The following PFKP variants were observed in gnomAD, a reference collection of about 807,000 sequenced individuals.
The protein encoded by PFKP is ATP-dependent 6-phosphofructokinase, platelet type.
Under a neutral mutation model 94.3 loss-of-function variants are expected in PFKP, and 101 were observed. The ratio of observed to expected loss-of-function variants is 1.07; its 90% confidence interval spans 0.91 to 1.26. PFKP has a LOEUF of 1.26. Ranked by LOEUF, PFKP falls within the 50% of genes most tolerant of loss-of-function variation. The probability of loss-of-function intolerance (pLI) is 0.00; values close to 1 mark genes in which losing one functional copy is unlikely to be tolerated. For synonymous variants in PFKP, 573 were observed against 432.6 expected, an observed-to-expected ratio of 1.32 and a Z score of -4.03; for missense variants, 1,145 against 1,103.3, an observed-to-expected ratio of 1.04 and a Z score of -0.53.
At chr10:3,094,350 A>G (rs1281271265) in intron 2 of PFKP, among the ~76,000 whole-genome samples, 3 of 152,248 alleles carry the variant, frequency 2.0e-5, no homozygotes, top group Admixed American at 2.0e-4. Flanking sequence ...TGGTCTTCCA[A>G]AGAAGCAAGT....
At chr10:3,136,314 G>C in intron 21 of PFKP, 136 bp from the exon 22 acceptor site, 1 of 746,880 alleles carries the variant, frequency 1.3e-6, no homozygotes, top group Non-Finnish European at 2.2e-6. Flanking sequence ...TCCTGAAATT[G>C]GCTTTATCAT....
intron 16 of PFKP, among the ~76,000 whole-genome samples, chr10:3,122,230 T>G (rs1328953643): frequency 2.0e-5 from 3 of 152,102 alleles, no homozygotes; most frequent in Non-Finnish European, 4.4e-5. Context: ...TGTGTCCTTG[T>G]TGCCCTTCTG....
intron 1 of PFKP, among the ~76,000 whole-genome samples, chr10:3,074,902 G>T (rs192080376): frequency 4.6e-5 from 7 of 152,324 alleles, no homozygotes; most frequent in Admixed American, 2.6e-4. Context: ...GAGGTGTGAA[G>T]TGGGAAATCC....
chr10:3,083,090 A>ATTGG (rs1302031982), intron 2 of PFKP, among the ~76,000 whole-genome samples: 1 of 152,148 alleles, frequency 6.6e-6, no homozygotes, highest in Non-Finnish European at 1.5e-5. Flanking sequence ...AATTGGTTGT[A>ATTGG]TTGGTTGGTT....
chr10:3,120,179 C>T, intron 16 of PFKP, 135 bp downstream of exon 16: 1 of 742,090 alleles, frequency 1.3e-6, no homozygotes, highest in East Asian at 2.7e-5. Context: ...TCTTTTTTTC[C>T]CCCAGAAAAG....
At chr10:3,105,777 C>T (rs1835485525) in intron 7 of PFKP, among the ~76,000 whole-genome samples, 1 of 152,182 alleles carries the variant, frequency 6.6e-6, no homozygotes, top group African/African-American at 2.4e-5. Flanking sequence ...GGCAGGCAGA[C>T]TTCAGGCACT....
At chr10:3,089,813 T>C (rs182197197) in intron 2 of PFKP, among the ~76,000 whole-genome samples, 2 of 152,092 alleles carry the variant, frequency 1.3e-5, no homozygotes. Context: ...CTGGATTTTA[T>C]TCCTTCTATC....
rs759474003 is a variant in PFKP, at chr10:3,105,439, T to C, written c.712T>C (p.Phe238Leu). Residue 238 changes from phenylalanine to leucine, a missense_variant, in exon 7 of 22, where the codon TTC (phenylalanine) becomes CTC (leucine). Coordinates refer to ENST00000381125, the MANE Select transcript of PFKP (RefSeq NM_002627.5). ...SALACGADWV[F>L]LPESPPEEGW... ...CTTGGCCTGCGGTGCGGACTGGGTG[T>C]TCCTTCCAGAATCTCCACCAGAGGA... 2 of 1,613,910 alleles carry C rather than the reference T, an allele frequency of 1.2e-6. No homozygotes were observed. Among genetic ancestry groups the C allele is most frequent in the Admixed American group, 3.3e-5 (2 of 59,966 alleles).
chr10:3,111,309 T>C (rs1194747193), intron 10 of PFKP, among the ~76,000 whole-genome samples: 1 of 152,180 alleles, frequency 6.6e-6, no homozygotes, highest in East Asian at 1.9e-4. Flanking sequence ...GGTATGCTTA[T>C]GTGCATATGT....
intron 17 of PFKP, 93 bp from the exon 18 acceptor site, chr10:3,132,287 C>G: frequency 1.1e-6 from 1 of 880,276 alleles, no homozygotes; most frequent in Non-Finnish European, 1.9e-6. Context: ...CTCACTGCCA[C>G]ACTTGGTTGG....
chr10:3,132,340 TAGA>T (rs764104293), intron 17 of PFKP, 37 bp from the exon 18 acceptor site: 6 of 1,449,566 alleles, frequency 4.1e-6, no homozygotes, highest in Non-Finnish European at 2.9e-6. Context: ...AGGTACTTAG[TAGA>T]AGTTTATTGT....
At chr10:3,104,083 G>A (rs1835302859) in intron 5 of PFKP, 139 bp downstream of exon 5, 5 of 674,862 alleles carry the variant, frequency 7.4e-6, no homozygotes, top group Middle Eastern at 5.7e-4. Flanking sequence ...AGGAGCTATT[G>A]CCAGAACATT....
chr10:3,116,715 C>A, intron 13 of PFKP, 61 bp from the exon 14 acceptor site: 1 of 1,250,076 alleles, frequency 8.0e-7, no homozygotes, highest in South Asian at 1.2e-5. Flanking sequence ...CTATTTTTAG[C>A]ACTTTGCAAC....
At position 3,108,758 on chromosome 10, in the gene PFKP, A is replaced by C. The variant is rs1337302660; in HGVS notation, c.928A>C (p.Arg310=). 9 of 1,613,710 alleles carry C rather than the reference A, an allele frequency of 5.6e-6. No homozygotes were observed. Among genetic ancestry groups the C allele is most frequent in the Non-Finnish European group, 7.6e-6 (9 of 1,179,824 alleles). ...TRVTILGHVQ[R]GGTPSAFDRI... ...TGTGACCATCCTCGGGCACGTGCAG[A>C]GAGGAGGGACCCCTTCGGCATTCGA... Residue 310 remains arginine, a synonymous_variant, in exon 9 of 22, where the codon AGA becomes CGA. Coordinates refer to ENST00000381125, the MANE Select transcript of PFKP (RefSeq NM_002627.5).
intron 2 of PFKP, among the ~76,000 whole-genome samples, chr10:3,089,179 C>T (rs568726187): frequency 2.0e-5 from 3 of 152,130 alleles, no homozygotes; most frequent in Non-Finnish European, 4.4e-5. Flanking sequence ...GTGATCCTGC[C>T]CTCCTGGGCC....
chr10:3,136,163 CTGAG>C (rs1317392937), intron 21 of PFKP, among the ~76,000 whole-genome samples: 1 of 152,130 alleles, frequency 6.6e-6, no homozygotes. Context: ...ACTCAGGAGG[CTGAG>C]GCAGGAGAAA....
chr10:3,071,427 GTTTT>G (rs569603765), intron 1 of PFKP, among the ~76,000 whole-genome samples: 14,727 of 91,762 alleles, frequency 0.16, 387 homozygotes, highest in East Asian at 0.32. Context: ...GTCTCAGGCT[GTTTT>G]TTTTTTTTTT....
chr10:3,088,536 C>G (rs149589654), intron 2 of PFKP, among the ~76,000 whole-genome samples: 2,046 of 152,194 alleles, frequency 0.013, 58 homozygotes, highest in African/African-American at 0.046. Context: ...GTCACCCAGC[C>G]GAGGTGACGG....
intron 8 of PFKP, chr10:3,107,770 T>G: frequency 8.4e-7 from 1 of 1,194,044 alleles, no homozygotes; most frequent in Non-Finnish European, 1.1e-6. Context: ...TGTGTCCTCG[T>G]GGCCCTGCCT....
Sources: allele counts gnomAD v4.1 joint callset (sites outside exome capture counted in the v4.1 genomes callset), GRCh38; gene constraint gnomAD v4.1.1; transcripts MANE v1.5; gene names NCBI Gene and HGNC (gene_info 2026-07-23, HGNC 2026-07-21).